Variants in PLXNA4 observed in about 807,000 individuals in gnomAD.
The protein encoded by PLXNA4 is plexin A4.
A neutral mutation model predicts 191.8 loss-of-function variants in PLXNA4; 44 were observed. The observed-to-expected ratio is 0.23, with a 90% CI of 0.18 to 0.29. The LOEUF (loss-of-function observed/expected upper bound fraction) is 0.29. Ranked by LOEUF, PLXNA4 falls within the 10% of genes least tolerant of loss-of-function variation. The pLI, the probability that PLXNA4 is intolerant of heterozygous loss-of-function variation, is 1.00. For missense variants in PLXNA4, 1,800 were observed against 2,488.8 expected, an observed-to-expected ratio of 0.72 and a Z score of 5.89; for synonymous variants, 1,082 against 1,009.5, an observed-to-expected ratio of 1.07 and a Z score of -1.36.
intron 2 of PLXNA4, among the ~76,000 whole-genome samples, chr7:132,635,638 C>T (rs1803589162): frequency 6.6e-6 from 1 of 152,168 alleles, no homozygotes; most frequent in Admixed American, 6.5e-5. Context: ...CGGGCTCTTT[C>T]TGACCCCACT....
chr7:132,214,176 G>A (rs1184039501), intron 9 of PLXNA4, among the ~76,000 whole-genome samples: 1 of 152,138 alleles, frequency 6.6e-6, no homozygotes, highest in East Asian at 1.9e-4. Context: ...AAGTCCAGGG[G>A]ACTCGGAGCT....
At chr7:132,493,134 G>T (rs1439463662) in intron 2 of PLXNA4, among the ~76,000 whole-genome samples, 1 of 152,126 alleles carries the variant, frequency 6.6e-6, no homozygotes, top group Non-Finnish European at 1.5e-5. Context: ...ACAGGTGAGG[G>T]TTGATGTGGC....
chr7:132,167,521 C>CATTT (rs1285246955), intron 22 of PLXNA4, among the ~76,000 whole-genome samples: 1 of 151,966 alleles, frequency 6.6e-6, no homozygotes, highest in Non-Finnish European at 1.5e-5. Flanking sequence ...TGAAATTCTG[C>CATTT]ATTTATTTAT....
At chr7:132,147,752 C>G in intron 27 of PLXNA4, 148 bp downstream of exon 27, 1 of 1,023,704 alleles carries the variant, frequency 9.8e-7, no homozygotes, top group Non-Finnish European at 1.4e-6. Context: ...GGTCCTCTTC[C>G]CCCACCTGGC....
intron 4 of PLXNA4, among the ~76,000 whole-genome samples, chr7:132,252,108 A>G (rs774219938): frequency 2.0e-5 from 3 of 152,010 alleles, no homozygotes; most frequent in Non-Finnish European, 4.4e-5. Context: ...TACTGAACTT[A>G]TATGAGCTTC....
intron 3 of PLXNA4, among the ~76,000 whole-genome samples, chr7:132,411,004 G>A (rs750661701): frequency 1.4e-4 from 21 of 152,232 alleles, no homozygotes; most frequent in East Asian, 3.9e-4. Flanking sequence ...TCCCGATTAC[G>A]TTTGCCCATG....
At chr7:132,302,069 T>C (rs1280583733) in intron 3 of PLXNA4, among the ~76,000 whole-genome samples, 1 of 152,176 alleles carries the variant, frequency 6.6e-6, no homozygotes, top group African/African-American at 2.4e-5. Flanking sequence ...ACATGAAAAG[T>C]TATTTAAAAA....
intron 3 of PLXNA4, among the ~76,000 whole-genome samples, chr7:132,467,936 T>G (rs1242449602): frequency 6.6e-6 from 1 of 152,160 alleles, no homozygotes; most frequent in Non-Finnish European, 1.5e-5. Flanking sequence ...GAAACACCTG[T>G]CCCCTCTAAT....
chr7:132,425,494 C>T lies in PLXNA4; in HGVS notation c.1371+63798G>A, dbSNP rs558154071. 9.9e-5 allele frequency among the ~76,000 whole-genome samples: 15 copies of T among 152,116 alleles called. No homozygotes were observed. The East Asian group carries it at 2.7e-3, about 28-fold the overall frequency. On this transcript the variant is annotated intron_variant, in intron 3 of 31. Transcript: ENST00000321063. ...ATGTCTGTCTCCCGGAACCCCAGGC[C>T]CCTCCTGGCTCCTCCTCCCCTTCCT...
intron 25 of PLXNA4, among the ~76,000 whole-genome samples, chr7:132,150,309 G>C (rs1795558767): frequency 6.6e-6 from 1 of 152,134 alleles, no homozygotes; most frequent in South Asian, 2.1e-4. Flanking sequence ...TTTTATGGAG[G>C]TATGCATGCA....
chr7:132,217,042 A>G (rs1440872542), intron 9 of PLXNA4, among the ~76,000 whole-genome samples: 1 of 152,186 alleles, frequency 6.6e-6, no homozygotes, highest in Non-Finnish European at 1.5e-5. Flanking sequence ...GGGGGGTGAG[A>G]AGTGGCAGCA....
intron 3 of PLXNA4, among the ~76,000 whole-genome samples, chr7:132,341,867 T>C (rs539351102): frequency 5.9e-5 from 9 of 152,320 alleles, no homozygotes; most frequent in African/African-American, 2.2e-4. Context: ...AGATTTCATA[T>C]GCAAGAGGGT....
At chr7:132,646,558 G>T (rs1302032528) in intron 1 of PLXNA4, among the ~76,000 whole-genome samples, 1 of 152,088 alleles carries the variant, frequency 6.6e-6, no homozygotes, top group Non-Finnish European at 1.5e-5. Flanking sequence ...TCTCTGCCCT[G>T]TGAGGACACA....
chr7:132,283,261 G>A (rs192777974), intron 4 of PLXNA4, among the ~76,000 whole-genome samples: 11 of 152,320 alleles, frequency 7.2e-5, no homozygotes, highest in Non-Finnish European at 1.3e-4. Flanking sequence ...AAGATGCAAA[G>A]TGATACATGA....
intron 1 of PLXNA4, among the ~76,000 whole-genome samples, chr7:132,534,689 A>T (rs1001212811): frequency 1.3e-5 from 2 of 152,234 alleles, no homozygotes; most frequent in African/African-American, 4.8e-5. Flanking sequence ...GGGCTATGGA[A>T]AGAAAATACT....
intron 3 of PLXNA4, among the ~76,000 whole-genome samples, chr7:132,345,218 C>T (rs1258710580): frequency 2.0e-5 from 3 of 152,094 alleles, no homozygotes; most frequent in African/African-American, 4.8e-5. Flanking sequence ...ACATTAGAAC[C>T]GCCAAAGCAC....
intron 10 of PLXNA4, among the ~76,000 whole-genome samples, chr7:132,204,713 A>G (rs1797555158): frequency 6.6e-6 from 1 of 152,156 alleles, no homozygotes; most frequent in South Asian, 2.1e-4. Context: ...CACATCTGGG[A>G]AGAATCTCAG....
chr7:132,648,158 C>T (rs1271376686), intron 1 of PLXNA4, among the ~76,000 whole-genome samples: 2 of 151,654 alleles, frequency 1.3e-5, no homozygotes, highest in African/African-American at 4.8e-5. Flanking sequence ...CTTATGCATA[C>T]ATTCAGTCAC....
At chr7:132,394,595 T>C (rs1793671121) in intron 3 of PLXNA4, among the ~76,000 whole-genome samples, 1 of 152,246 alleles carries the variant, frequency 6.6e-6, no homozygotes, top group East Asian at 1.9e-4. Flanking sequence ...TACTGTGTGA[T>C]GTTGGGTAAA....
Sources: gnomAD v4.1 joint callset for allele counts (sites outside exome capture counted in the v4.1 genomes callset) on GRCh38, gnomAD v4.1.1 for gene constraint, MANE v1.5 for transcripts, NCBI Gene and HGNC (gene_info 2026-07-23, HGNC 2026-07-21) for gene names.